Variants in TSTD2 observed in about 807,000 individuals in gnomAD.
The protein encoded by TSTD2 is thiosulfate sulfurtransferase/rhodanese-like domain-containing protein 2.
Under a neutral mutation model 47.9 loss-of-function variants are expected in TSTD2, and 37 were observed. That is an observed-to-expected ratio of 0.77 (90% confidence interval 0.59 to 1.02). The LOEUF (loss-of-function observed/expected upper bound fraction) is 1.02. TSTD2 is among the 50% of genes least tolerant of loss of function. The pLI is 0.00. For synonymous variants in TSTD2, 201 were observed against 215.9 expected (o/e 0.93, Z 0.61); for missense variants, 586 against 616.0 (o/e 0.95, Z 0.52).
chr9:97,619,602 C>G (rs1826598999), intron 3 of TSTD2, among the ~76,000 whole-genome samples: 1 of 151,998 alleles, frequency 6.6e-6, no homozygotes, highest in Non-Finnish European at 1.5e-5. Flanking sequence ...TGGCCCTCCA[C>G]AATGCTGGGA....
At chr9:97,613,479 C>G (rs973508221) in intron 4 of TSTD2, among the ~76,000 whole-genome samples, 1 of 151,680 alleles carries the variant, frequency 6.6e-6, no homozygotes, top group African/African-American at 2.4e-5. Flanking sequence ...GAAATGCTCC[C>G]CTGGTTAGGG....
chr9:97,602,461 G>T lies in TSTD2; in HGVS notation c.*8C>A. ...ACCGAGGGCCTGGGAAAATGCCAAA[G>T]GTGCTGCTCACATAAGCACTGGCCC... On this transcript the variant is annotated 3_prime_UTR_variant, in exon 10 of 10. Coordinates refer to ENST00000341170, the MANE Select transcript of TSTD2 (RefSeq NM_139246.5). The T allele has an allele frequency of 6.3e-7, 1 of 1,578,886 alleles. No homozygotes were observed. The highest frequency in any genetic ancestry group is 8.6e-7 in the Non-Finnish European group (1 of 1,159,116).
At chr9:97,602,908 T>C (rs1159138657) in intron 9 of TSTD2, 141 bp from the exon 10 acceptor site, 14 of 819,678 alleles carry the variant, frequency 1.7e-5, no homozygotes, top group Non-Finnish European at 2.4e-5. Flanking sequence ...TTCTGTCTTC[T>C]AGCAACAACA....
chr9:97,606,306 A>C lies in TSTD2; in HGVS notation c.836-45T>G, dbSNP rs758972707. On this transcript the variant is annotated intron_variant, in intron 6 of 9. Coordinates refer to ENST00000341170, the MANE Select transcript of TSTD2 (RefSeq NM_139246.5). The stretch of plus-strand genomic sequence containing the variant: ...ATTATATTAAAACAAAGACAAAAAA[A>C]CCAAAACCCAATCATGACTCACCCA... The C allele has an allele frequency of 1.3e-5, 16 of 1,270,800 alleles. No homozygotes were observed. In the South Asian group the frequency reaches 1.7e-4, roughly 13 times the overall value. 78.7% of individuals were successfully genotyped at this position (1,270,800 alleles called of 1,614,324 possible).
intron 5 of TSTD2, among the ~76,000 whole-genome samples, chr9:97,610,669 C>T (rs1346470585): frequency 1.3e-5 from 2 of 152,228 alleles, no homozygotes; most frequent in Non-Finnish European, 2.9e-5. Flanking sequence ...AAAAGTGTTT[C>T]TTTAGGTGTA....
intron 1 of TSTD2, among the ~76,000 whole-genome samples, 166 bp downstream of exon 1, chr9:97,633,077 G>A (rs990395946): frequency 1.3e-5 from 2 of 152,248 alleles, no homozygotes; most frequent in African/African-American, 2.4e-5. Flanking sequence ...CGGCAAGCCC[G>A]GAGCCGCACG....
chr9:97,625,473 G>T (rs898123502), intron 3 of TSTD2, among the ~76,000 whole-genome samples: 9 of 152,268 alleles, frequency 5.9e-5, no homozygotes, highest in Admixed American at 2.0e-4. Context: ...GCATGTTTAA[G>T]AAATTGCCGA....
rs1191694866 is a variant in TSTD2, at chr9:97,627,473, A to G, written c.90T>C (p.Leu30=). 6.2e-7 allele frequency: 1 copy of G among 1,613,704 alleles called. No homozygotes were observed. The highest frequency in any genetic ancestry group is 1.1e-5 in the South Asian group (1 of 91,048). The change falls in exon 2 of 10, where the codon CTT becomes CTC. Residue 30 remains leucine (L), a synonymous_variant. Transcript: ENST00000341170. ...CTTTAAGACTGCTGCTGGGATTAAT[A>G]AGACTCATATCTTTTAAATCCAGGT... ...FSDLDLKDMS[L]INPSSSLKAE... is the part of the protein sequence containing the mutation.
rs1210846695 is a variant in TSTD2, at chr9:97,601,115, C to G, written c.*1354G>C. 1 of 1,304,190 alleles carries G rather than the reference C, an allele frequency of 7.7e-7. No homozygotes were observed. Among genetic ancestry groups the G allele is most frequent in the Admixed American group, 2.3e-5 (1 of 43,550 alleles). 80.8% of individuals were successfully genotyped at this position (1,304,190 alleles called of 1,614,324 possible). On this transcript the variant is annotated 3_prime_UTR_variant, in exon 10 of 10. Transcript: ENST00000341170. ...CCTCAGCGCTATGGAAGAGTGTCCA[C>G]TGAGGCTGCACATGGCCCAGGAGTG...
chr9:97,625,627 T>C (rs1225164854), intron 3 of TSTD2, 54 bp downstream of exon 3: 1 of 1,515,978 alleles, frequency 6.6e-7, no homozygotes, highest in Non-Finnish European at 8.9e-7. Flanking sequence ...TAGTATCTCA[T>C]TGTGGTTGGA....
At chr9:97,628,797 C>T (rs1826763416) in intron 1 of TSTD2, among the ~76,000 whole-genome samples, 1 of 152,054 alleles carries the variant, frequency 6.6e-6, no homozygotes, top group African/African-American at 2.4e-5. Flanking sequence ...GCTGAGGAGA[C>T]CAAACCACTG....
chr9:97,631,177 G>C (rs889493262), intron 1 of TSTD2, among the ~76,000 whole-genome samples: 2 of 152,006 alleles, frequency 1.3e-5, no homozygotes, highest in African/African-American at 4.8e-5. Flanking sequence ...AGTGCAGTGG[G>C]GTGATCTCGG....
At chr9:97,630,878 T>A (rs1026617160) in intron 1 of TSTD2, among the ~76,000 whole-genome samples, 1 of 152,228 alleles carries the variant, frequency 6.6e-6, no homozygotes, top group Non-Finnish European at 1.5e-5. Flanking sequence ...CATATTTATA[T>A]CTTCAACCTG....
intron 4 of TSTD2, among the ~76,000 whole-genome samples, chr9:97,613,189 C>CT (rs949477601): frequency 1.3e-5 from 2 of 152,156 alleles, no homozygotes. Flanking sequence ...ATGAAAAGAA[C>CT]TGCTGAGGAG....
rs7857174 is a variant in TSTD2 at position 97,604,561 on chromosome 9, T to C, written c.1252+166A>G. The C allele has an allele frequency of 0.022, 23,743 of 1,071,638 alleles. 3,629 individuals carry two copies. In the African/African-American group the frequency reaches 0.33, roughly 15 times the overall value. 66.4% of individuals were successfully genotyped at this position (1,071,638 alleles called of 1,614,324 possible). On this transcript the variant is annotated intron_variant, in intron 9 of 9. Coordinates refer to ENST00000341170, the MANE Select transcript of TSTD2 (RefSeq NM_139246.5). ...CCTCCTGACTCCTGGGCTAGGGTTC[T>C]CTCAGCTCCACAGCTGGGAAAATGG...
At chr9:97,621,667 C>A (rs1198168336) in intron 3 of TSTD2, among the ~76,000 whole-genome samples, 1 of 152,156 alleles carries the variant, frequency 6.6e-6, no homozygotes, top group Admixed American at 6.5e-5. Context: ...GCAGTGCCCC[C>A]AGGCTTGCTA....
chr9:97,608,798 T>C lies in TSTD2; in HGVS notation c.835+1548A>G, dbSNP rs546801895. ...GAACAGTAAGCAGACAACAGCTCTT[T>C]CTGGCCCTCATCTCCCCATGCATGA... On this transcript the variant is annotated intron_variant, in intron 6 of 9. Transcript: ENST00000341170. Among the ~76,000 whole-genome samples the C allele has an allele frequency of 1.2e-4, 18 of 152,332 alleles. No individual in the cohort carries two copies. The South Asian group carries it at 3.7e-3, about 32-fold the overall frequency.
At chr9:97,614,524 T>G (rs1826511145) in intron 4 of TSTD2, among the ~76,000 whole-genome samples, 1 of 152,194 alleles carries the variant, frequency 6.6e-6, no homozygotes, top group Non-Finnish European at 1.5e-5. Context: ...TACTTTCAGA[T>G]AGTAATAAAT....
At chr9:97,612,407 T>C (rs1826473731) in intron 4 of TSTD2, among the ~76,000 whole-genome samples, 1 of 152,240 alleles carries the variant, frequency 6.6e-6, no homozygotes, top group Non-Finnish European at 1.5e-5. Context: ...CTTTAGGTCT[T>C]TGAGGAATTA....
Sources: gnomAD v4.1 joint callset for allele counts (sites outside exome capture counted in the v4.1 genomes callset) on GRCh38, gnomAD v4.1.1 for gene constraint, MANE v1.5 for transcripts, NCBI Gene and HGNC (gene_info 2026-07-23, HGNC 2026-07-21) for gene names.